TMEM131: variants seen among roughly 807,000 people sequenced by gnomAD.
TMEM131 encodes transmembrane protein 131, also known as 2610524E03Rik.
A neutral mutation model predicts 211.6 loss-of-function variants in TMEM131; 66 were observed. The observed-to-expected ratio is 0.31, with a 90% CI of 0.26 to 0.38. The LOEUF is 0.38. TMEM131 is among the 10% of genes least tolerant of loss of function. The pLI is 1.00. For missense variants in TMEM131, 2,036 were observed against 2,299.3 expected (o/e 0.89, Z 2.34); for synonymous variants, 844 against 841.3 (o/e 1.00, Z -0.06).
intron 2 of TMEM131, among the ~76,000 whole-genome samples, chr2:97,916,653 C>CA (rs999685419): frequency 6.6e-6 from 1 of 152,088 alleles, no homozygotes; most frequent in African/African-American, 2.4e-5. Flanking sequence ...ACTGAAAAAA[C>CA]AAAAAGCACT....
intron 1 of TMEM131, among the ~76,000 whole-genome samples, chr2:97,982,176 C>A (rs1285127055): frequency 6.6e-6 from 1 of 152,162 alleles, no homozygotes. Flanking sequence ...GTCTCCGCAC[C>A]CTTGCCAACA....
chr2:97,847,923 A>C (rs1157916608), intron 5 of TMEM131, among the ~76,000 whole-genome samples: 1 of 152,156 alleles, frequency 6.6e-6, no homozygotes, highest in Non-Finnish European at 1.5e-5. Flanking sequence ...TTTTTTTTTA[A>C]AGAAACTGAC....
At chr2:97,788,310 C>T (rs565365932) in intron 31 of TMEM131, among the ~76,000 whole-genome samples, 2 of 152,336 alleles carry the variant, frequency 1.3e-5, no homozygotes, top group African/African-American at 4.8e-5. Context: ...CCTGCTGACT[C>T]CCTGGGCCTA....
chr2:97,917,720 A>T (rs1676565983), intron 2 of TMEM131, among the ~76,000 whole-genome samples: 1 of 152,130 alleles, frequency 6.6e-6, no homozygotes, highest in Admixed American at 6.5e-5. Context: ...ACCAGATCTC[A>T]TGAGAACTCA....
At chr2:97,961,711 C>T (rs920964610) in intron 1 of TMEM131, among the ~76,000 whole-genome samples, 4 of 152,054 alleles carry the variant, frequency 2.6e-5, no homozygotes, top group African/African-American at 2.4e-5. Flanking sequence ...AATTGAAAAT[C>T]GAAAAACAGA....
chr2:97,802,704 A>G lies in TMEM131; in HGVS notation c.2489T>C (p.Leu830Pro). ...ITAELSWPSI[L>P]SSPRHLKFPL... ...AAATTTCAAGTGCCGGGGTGAGCTAAGTATGGAAGGCCAGGAGAGCTCAGC... is the reference window on the plus strand; with the variant it reads ...AAATTTCAAGTGCCGGGGTGAGCTAGGTATGGAAGGCCAGGAGAGCTCAGC... The change falls in exon 23 of 41, where the codon CTT becomes CCT. Residue 830 changes from leucine to proline, a missense_variant. This residue lies in a region of TMEM131 where 1,623 missense variants were observed against 1,805.9 expected (regional missense o/e 0.90). Transcript: ENST00000186436. 1 of 1,608,840 alleles carries G rather than the reference A, an allele frequency of 6.2e-7. No individual in the cohort carries two copies.
chr2:97,952,206 G>C (rs1678354831), intron 1 of TMEM131, among the ~76,000 whole-genome samples: 1 of 151,512 alleles, frequency 6.6e-6, no homozygotes, highest in African/African-American at 2.4e-5. Context: ...AGAAAAAGTA[G>C]GCTGAAACAA....
chr2:97,931,931 T>C (rs1386148915), intron 1 of TMEM131, among the ~76,000 whole-genome samples: 2 of 152,324 alleles, frequency 1.3e-5, no homozygotes, highest in South Asian at 2.1e-4. Flanking sequence ...TATCCTCTAT[T>C]ATATTCCCTA....
At chr2:97,935,587 A>G (rs1007380494) in intron 1 of TMEM131, among the ~76,000 whole-genome samples, 1 of 152,204 alleles carries the variant, frequency 6.6e-6, no homozygotes, top group East Asian at 1.9e-4. Context: ...GCCATTATCA[A>G]TGTTAATTCA....
At chr2:97,817,650 A>C (rs1312173998) in intron 12 of TMEM131, among the ~76,000 whole-genome samples, 1 of 152,216 alleles carries the variant, frequency 6.6e-6, no homozygotes, top group African/African-American at 2.4e-5. Context: ...GTCCTCACTG[A>C]GCTCACAGGA....
rs2279824 is a variant in TMEM131, at chr2:97,995,531, G to T, written c.132C>A (p.Gly44=). Residue 44 remains glycine (G), a synonymous_variant, in exon 1 of 41, where the codon GGC becomes GGA. Transcript: ENST00000186436. ...GPRSAAAGLL[G]ALHLVMTLVV... ...CGAGGGTCATCACCAGGTGCAGCGC[G>T]CCTAGGAGGCCGGCGGCCGCGCTCC... The T allele has an allele frequency of 0.76, 1,036,253 of 1,368,452 alleles. 403,461 individuals carry two copies. Among genetic ancestry groups the T allele is most frequent in the African/African-American group, 0.89 (59,102 of 66,244 alleles). 84.8% of individuals were successfully genotyped at this position (1,368,452 alleles called of 1,614,324 possible).
chr2:97,849,769 C>A (rs1298980773), intron 5 of TMEM131, among the ~76,000 whole-genome samples: 2 of 120,372 alleles, frequency 1.7e-5, no homozygotes, highest in East Asian at 4.9e-4. Context: ...ACGAGGGTTG[C>A]GGATTCACTC....
At chr2:97,771,737 C>G (rs1429339263) in intron 33 of TMEM131, among the ~76,000 whole-genome samples, 1 of 152,228 alleles carries the variant, frequency 6.6e-6, no homozygotes, top group Non-Finnish European at 1.5e-5. Context: ...CCTGGGGAAA[C>G]AGCCTGCACA....
intron 4 of TMEM131, among the ~76,000 whole-genome samples, chr2:97,871,147 G>A (rs999938993): frequency 6.6e-6 from 1 of 152,094 alleles, no homozygotes; most frequent in African/African-American, 2.4e-5. Flanking sequence ...AATTATATAA[G>A]CCAAAGATTT....
chr2:97,862,376 G>C (rs935328601), intron 4 of TMEM131, among the ~76,000 whole-genome samples: 3 of 152,088 alleles, frequency 2.0e-5, no homozygotes, highest in African/African-American at 4.8e-5. Context: ...TTCCTTAAAT[G>C]AATTAAATAA....
intron 4 of TMEM131, chr2:97,887,818 G>C (rs2104256484): frequency 2.5e-6 from 1 of 403,816 alleles, no homozygotes; most frequent in South Asian, 7.8e-5. Flanking sequence ...CTCTGAACCA[G>C]AGACTACAAC....
chr2:97,832,723 C>T (rs1301726268), intron 11 of TMEM131, among the ~76,000 whole-genome samples: 3 of 152,096 alleles, frequency 2.0e-5, no homozygotes, highest in Non-Finnish European at 2.9e-5. Flanking sequence ...TCTTGGGGAC[C>T]TCATCAGGGA....
At chr2:97,924,549 G>T (rs1052419172) in intron 2 of TMEM131, among the ~76,000 whole-genome samples, 13 of 152,100 alleles carry the variant, frequency 8.5e-5, no homozygotes, top group Non-Finnish European at 1.8e-4. Context: ...GGTACACCTG[G>T]CCCCTGTCCC....
intron 11 of TMEM131, among the ~76,000 whole-genome samples, chr2:97,826,123 C>G (rs931464912): frequency 2.0e-5 from 3 of 152,138 alleles, no homozygotes; most frequent in African/African-American, 7.2e-5. Flanking sequence ...CTGAACTTAA[C>G]CTATATACTG....
Sources: allele counts gnomAD v4.1 joint callset (sites outside exome capture counted in the v4.1 genomes callset), GRCh38; gene constraint gnomAD v4.1.1; regional missense constraint gnomAD v4.1.1; transcripts MANE v1.5; gene names NCBI Gene and HGNC (gene_info 2026-07-23, HGNC 2026-07-21).